MAPK10: variants seen among roughly 807,000 people sequenced by gnomAD.
The protein encoded by MAPK10 is mitogen-activated protein kinase 10.
Under a neutral mutation model 59.3 loss-of-function variants are expected in MAPK10, and 25 were observed. That is an observed-to-expected ratio of 0.42 (90% CI 0.31 to 0.59). The LOEUF (loss-of-function observed/expected upper bound fraction) is 0.59, where lower values mean the gene tolerates loss of function less well. MAPK10 is among the 20% of genes least tolerant of loss of function. MAPK10 has a pLI of 0.15. For synonymous variants in MAPK10, 190 were observed against 200.5 expected (o/e 0.95, Z 0.44); for missense variants, 351 against 568.9 (o/e 0.62, Z 3.90).
intron 1 of MAPK10, among the ~76,000 whole-genome samples, chr4:86,491,595 T>C (rs907555282): frequency 5.9e-5 from 9 of 152,194 alleles, no homozygotes; most frequent in African/African-American, 2.2e-4. Context: ...ATAGGGATTA[T>C]TTTCCCCTTA....
At chr4:86,566,677 T>G (rs1218713264) in intron 1 of MAPK10, among the ~76,000 whole-genome samples, 1 of 151,992 alleles carries the variant, frequency 6.6e-6, no homozygotes, top group Non-Finnish European at 1.5e-5. Context: ...ACAGTACCAC[T>G]GCACTCCAAC....
At chr4:86,051,986 A>G (rs1251390878) in intron 11 of MAPK10, among the ~76,000 whole-genome samples, 5 of 152,204 alleles carry the variant, frequency 3.3e-5, no homozygotes, top group Non-Finnish European at 1.5e-5. Flanking sequence ...GAAAAGAACT[A>G]GCTACTTGAA....
intron 2 of MAPK10, among the ~76,000 whole-genome samples, chr4:86,338,655 C>T (rs1723049470): frequency 6.6e-6 from 1 of 152,140 alleles, no homozygotes; most frequent in African/African-American, 2.4e-5. Context: ...CTTTCCACGG[C>T]TTGCTCTTCC....
chr4:86,496,012 A>G (rs1202935174), intron 1 of MAPK10, among the ~76,000 whole-genome samples: 1 of 152,240 alleles, frequency 6.6e-6, no homozygotes, highest in African/African-American at 2.4e-5. Context: ...TAAACATCAA[A>G]AATTTGAAAT....
At chr4:86,371,494 CCATGGGT>C (rs1328932085) in intron 1 of MAPK10, among the ~76,000 whole-genome samples, 1 of 152,114 alleles carries the variant, frequency 6.6e-6, no homozygotes, top group Non-Finnish European at 1.5e-5. Context: ...CAAATGACCG[CCATGGGT>C]CAGTATTGAC....
At chr4:86,149,099 C>A (rs1324715224) in intron 4 of MAPK10, among the ~76,000 whole-genome samples, 2 of 152,100 alleles carry the variant, frequency 1.3e-5, no homozygotes, top group Non-Finnish European at 2.9e-5. Flanking sequence ...CAAATTTCTC[C>A]CACTTTGATC....
intron 1 of MAPK10, among the ~76,000 whole-genome samples, chr4:86,547,739 A>G (rs1421105794): frequency 6.6e-6 from 1 of 152,116 alleles, no homozygotes; most frequent in Non-Finnish European, 1.5e-5. Context: ...GAACCTTTAT[A>G]TCTAGCTAAG....
At chr4:86,087,113 C>A (rs144577482) in intron 9 of MAPK10, among the ~76,000 whole-genome samples, 111 of 152,230 alleles carry the variant, frequency 7.3e-4, no homozygotes, top group African/African-American at 2.5e-3. Flanking sequence ...AAATGACACA[C>A]GAGCAACTTT....
intron 2 of MAPK10, among the ~76,000 whole-genome samples, chr4:86,264,800 C>G (rs1176971745): frequency 6.6e-6 from 1 of 151,732 alleles, no homozygotes; most frequent in African/African-American, 2.4e-5. Flanking sequence ...AACCTTGCAC[C>G]CATCTCTTCA....
intron 2 of MAPK10, among the ~76,000 whole-genome samples, chr4:86,353,137 G>A (rs1466149165): frequency 2.0e-5 from 3 of 147,264 alleles, no homozygotes; most frequent in African/African-American, 5.0e-5. Flanking sequence ...TACCACATCC[G>A]TGGTAGAGTC....
chr4:86,349,753 T>A (rs1730193065), intron 2 of MAPK10, among the ~76,000 whole-genome samples: 1 of 152,332 alleles, frequency 6.6e-6, no homozygotes, highest in Non-Finnish European at 1.5e-5. Context: ...TGCAGATTCT[T>A]AATCAGTGTG....
At chr4:86,090,125 G>T (rs1191044852) in intron 9 of MAPK10, among the ~76,000 whole-genome samples, 1 of 151,880 alleles carries the variant, frequency 6.6e-6, no homozygotes, top group Non-Finnish European at 1.5e-5. Flanking sequence ...GAAGGGTGAA[G>T]CAAGAAAGTG....
chr4:86,245,462 C>A (rs1329743875), intron 2 of MAPK10, among the ~76,000 whole-genome samples: 1 of 151,910 alleles, frequency 6.6e-6, no homozygotes, highest in East Asian at 1.9e-4. Context: ...CAGATGCACG[C>A]CATCACACCT....
At chr4:86,256,569 G>A (rs750546371) in intron 2 of MAPK10, among the ~76,000 whole-genome samples, 9 of 151,928 alleles carry the variant, frequency 5.9e-5, no homozygotes, top group Non-Finnish European at 1.2e-4. Flanking sequence ...TATTTATTTA[G>A]TAAGTACCTA....
At chr4:86,060,983 A>G (rs1381811015) in intron 11 of MAPK10, among the ~76,000 whole-genome samples, 4 of 152,154 alleles carry the variant, frequency 2.6e-5, no homozygotes, top group Admixed American at 1.3e-4. Flanking sequence ...TAATAGTAAT[A>G]GTAATTATAA....
chr4:86,577,082 T>C (rs1761957192), intron 1 of MAPK10, among the ~76,000 whole-genome samples: 1 of 152,006 alleles, frequency 6.6e-6, no homozygotes, highest in Admixed American at 6.6e-5. Flanking sequence ...GGTGGGAGGG[T>C]TGTCTTTGAG....
rs1741601551 is a variant in MAPK10, at chr4:86,012,440, T to C, written c.*4788A>G. 6.6e-6 allele frequency: 1 copy of C among 152,204 alleles called. No individual in the cohort carries two copies. The highest frequency in any genetic ancestry group is 6.5e-5 in the Admixed American group (1 of 15,276). 9.4% of individuals were successfully genotyped at this position (152,204 alleles called of 1,614,324 possible). On this transcript the variant is annotated 3_prime_UTR_variant, in exon 14 of 14. Coordinates refer to ENST00000641462, the MANE Select transcript of MAPK10 (RefSeq NM_138982.4). Reference sequence around the variant, plus strand: ...AGACAACGAGCAGCATCATAACCATTGTCAACAGGCAAACTCCAACAATGT... The same window carrying C: ...AGACAACGAGCAGCATCATAACCATCGTCAACAGGCAAACTCCAACAATGT...
At chr4:86,055,138 G>T (rs946998741) in intron 11 of MAPK10, among the ~76,000 whole-genome samples, 1 of 152,134 alleles carries the variant, frequency 6.6e-6, no homozygotes, top group Non-Finnish European at 1.5e-5. Flanking sequence ...CCAAACTGGT[G>T]ATGGGCACTT....
intron 2 of MAPK10, among the ~76,000 whole-genome samples, chr4:86,245,005 A>ATT (rs2092988989): frequency 6.7e-6 from 1 of 149,382 alleles, no homozygotes; most frequent in African/African-American, 2.6e-5. Context: ...CTAGATATGC[A>ATT]TTTTTCTCCT....
Sources: gnomAD v4.1 joint callset for allele counts (sites outside exome capture counted in the v4.1 genomes callset) on GRCh38, gnomAD v4.1.1 for gene constraint, MANE v1.5 for transcripts, NCBI Gene and HGNC (gene_info 2026-07-23, HGNC 2026-07-21) for gene names.